The following CTNND2 variants were observed in gnomAD, a reference collection of about 807,000 sequenced individuals.
CTNND2 encodes catenin delta-2.
CTNND2 carries 22 observed loss-of-function variants against 144.4 expected under a neutral mutation model. That is an observed-to-expected ratio of 0.15 (90% CI 0.11 to 0.22). The LOEUF is 0.22. Among genes scored for constraint, CTNND2 ranks in the 10% least tolerant of loss-of-function variants. CTNND2 has a pLI of 1.00. For missense variants in CTNND2, 1,353 were observed against 1,618.8 expected (o/e 0.84, Z 2.82); for synonymous variants, 751 against 695.6 (o/e 1.08, Z -1.25).
At chr5:11,183,549 CTTTTTTTTTTGGTTT>C (rs1320309438) in intron 11 of CTNND2, among the ~76,000 whole-genome samples, 1 of 144,606 alleles carries the variant, frequency 6.9e-6, no homozygotes, top group Non-Finnish European at 1.5e-5. Context: ...AATTTAGTTT[CTTTTTTTTTTGGTTT>C]TTTTTTTTTT....
chr5:11,480,646 A>ATGTGTG (rs58951106), intron 3 of CTNND2, among the ~76,000 whole-genome samples: 3,217 of 149,104 alleles, frequency 0.022, 131 homozygotes, highest in African/African-American at 0.075. Context: ...AAATACATAT[A>ATGTGTG]TGTGTGTGTG....
intron 2 of CTNND2, among the ~76,000 whole-genome samples, chr5:11,689,227 T>C (rs976465675): frequency 6.6e-6 from 1 of 152,198 alleles, no homozygotes; most frequent in Non-Finnish European, 1.5e-5. Flanking sequence ...TATTTTTTGT[T>C]TTCTTACTTC....
At chr5:11,856,362 T>C (rs111997600) in intron 1 of CTNND2, among the ~76,000 whole-genome samples, 1 of 152,044 alleles carries the variant, frequency 6.6e-6, no homozygotes, top group Non-Finnish European at 1.5e-5. Context: ...TGATGGAAAG[T>C]TGGGAGTGAG....
In CTNND2 at chr5:11,364,400, G is replaced by T. The variant is rs61750673; in HGVS notation, c.1372+296C>A. Among the ~76,000 whole-genome samples the T allele has an allele frequency of 4.1e-4, 62 of 152,272 alleles. 2 individuals are homozygous for T. Among genetic ancestry groups the T allele is most frequent in the Admixed American group, 2.5e-3 (38 of 15,302 alleles). On this transcript the variant is annotated intron_variant, in intron 8 of 21. Transcript: ENST00000304623. ...TCCTTGGGGTACTTAGATTCATTAC[G>T]TAAGTGAATAACGATGGGCTTAACA... is the stretch of plus-strand genomic sequence containing the variant.
intron 2 of CTNND2, among the ~76,000 whole-genome samples, chr5:11,630,296 T>C (rs954463183): frequency 6.6e-6 from 1 of 152,156 alleles, no homozygotes; most frequent in Non-Finnish European, 1.5e-5. Flanking sequence ...CAGGAGGATG[T>C]CTCTAATAAT....
chr5:11,199,716 C>A (rs957252517), intron 10 of CTNND2, 55 bp from the exon 11 acceptor site: 16 of 1,305,868 alleles, frequency 1.2e-5, no homozygotes, highest in Non-Finnish European at 1.7e-5. Flanking sequence ...TCCCTACCTA[C>A]ACCAAAACAT....
intron 3 of CTNND2, among the ~76,000 whole-genome samples, chr5:11,539,259 T>C (rs1561530891): frequency 6.6e-6 from 1 of 152,114 alleles, no homozygotes; most frequent in African/African-American, 2.4e-5. Flanking sequence ...ATAGAATACC[T>C]CCACATCTGA....
Position 11,696,919 on chromosome 5 carries a change from A to T in CTNND2, c.174+35217T>A, listed in dbSNP as rs111735621. 4.3e-3 allele frequency among the ~76,000 whole-genome samples: 652 copies of T among 152,358 alleles called. 7 individuals are homozygous for T. Among genetic ancestry groups the T allele is most frequent in the African/African-American group, 0.015 (614 of 41,578 alleles). ...AGATACATTTTTGCCCTTTATAGAA[A>T]GAGCTGCTGACCCTTGCCTTAAACA... On this transcript the variant is annotated intron_variant, in intron 2 of 21. Coordinates refer to ENST00000304623, the MANE Select transcript of CTNND2 (RefSeq NM_001332.4).
chr5:11,093,562 A>G (rs897988826), intron 15 of CTNND2, among the ~76,000 whole-genome samples: 1 of 152,168 alleles, frequency 6.6e-6, no homozygotes, highest in Non-Finnish European at 1.5e-5. Context: ...TTTGTCACAG[A>G]AAAAGAGTGT....
At chr5:11,846,393 T>C (rs1055507051) in intron 1 of CTNND2, among the ~76,000 whole-genome samples, 2 of 152,090 alleles carry the variant, frequency 1.3e-5, no homozygotes, top group African/African-American at 4.8e-5. Flanking sequence ...TATCCACATA[T>C]AGAAGAATGA....
intron 8 of CTNND2, among the ~76,000 whole-genome samples, chr5:11,364,160 T>C (rs962815086): frequency 6.6e-6 from 1 of 152,256 alleles, no homozygotes; most frequent in Non-Finnish European, 1.5e-5. Flanking sequence ...TATAACTGAT[T>C]GAACCATTTG....
At chr5:11,312,930 C>A (rs1013453164) in intron 9 of CTNND2, among the ~76,000 whole-genome samples, 3 of 152,218 alleles carry the variant, frequency 2.0e-5, no homozygotes, top group Admixed American at 2.0e-4. Flanking sequence ...ATTCAAACTG[C>A]ACTTCCTCCG....
At chr5:11,371,153 G>A (rs989857011) in intron 7 of CTNND2, among the ~76,000 whole-genome samples, 1 of 152,154 alleles carries the variant, frequency 6.6e-6, no homozygotes, top group African/African-American at 2.4e-5. Context: ...GGTCAGCATC[G>A]CTAGGCAACA....
chr5:11,852,231 G>A (rs1229903754), intron 1 of CTNND2, among the ~76,000 whole-genome samples: 3 of 152,012 alleles, frequency 2.0e-5, no homozygotes, highest in Non-Finnish European at 4.4e-5. Context: ...AATGCTCAAA[G>A]TAAAGCCATT....
chr5:11,861,255 C>T (rs963717568), intron 1 of CTNND2, among the ~76,000 whole-genome samples: 3 of 152,268 alleles, frequency 2.0e-5, no homozygotes, highest in Non-Finnish European at 2.9e-5. Flanking sequence ...CTATTGGACC[C>T]CTCCACTCAG....
chr5:11,684,714 A>T (rs1377169337), intron 2 of CTNND2, among the ~76,000 whole-genome samples: 1 of 152,124 alleles, frequency 6.6e-6, no homozygotes, highest in Non-Finnish European at 1.5e-5. Context: ...TTACTATAGT[A>T]CTCTGTTAGG....
intron 1 of CTNND2, among the ~76,000 whole-genome samples, chr5:11,791,339 G>T (rs1489304451): frequency 1.3e-5 from 2 of 152,190 alleles, no homozygotes; most frequent in Non-Finnish European, 2.9e-5. Flanking sequence ...GGTTCAGGTT[G>T]TCAAGCAAAC....
chr5:11,290,836 G>A (rs911763264), intron 9 of CTNND2, among the ~76,000 whole-genome samples: 20 of 152,050 alleles, frequency 1.3e-4, no homozygotes, highest in African/African-American at 4.6e-4. Context: ...AGTAACCTTC[G>A]TTGTTTATTT....
intron 1 of CTNND2, among the ~76,000 whole-genome samples, chr5:11,833,970 A>G (rs1794043149): frequency 6.6e-6 from 1 of 152,202 alleles, no homozygotes; most frequent in African/African-American, 2.4e-5. Flanking sequence ...ACAAAATTGA[A>G]TTAAAAAATG....
Sources: gnomAD v4.1 joint callset for allele counts (sites outside exome capture counted in the v4.1 genomes callset) on GRCh38, gnomAD v4.1.1 for gene constraint, MANE v1.5 for transcripts, NCBI Gene and HGNC (gene_info 2026-07-23, HGNC 2026-07-21) for gene names.